Variants in CPQ observed in about 807,000 individuals in gnomAD.
The protein encoded by CPQ is Ser-Met dipeptidase.
A neutral mutation model predicts 45.7 loss-of-function variants in CPQ; 37 were observed. The ratio of observed to expected loss-of-function variants is 0.81; its 90% CI spans 0.62 to 1.07. The LOEUF is 1.07. CPQ is among the 50% of genes least tolerant of loss of function. The pLI, the probability that CPQ is intolerant of heterozygous loss-of-function variation, is 0.00. For missense variants in CPQ, 537 were observed against 572.9 expected, an observed-to-expected ratio of 0.94 and a Z score of 0.64; for synonymous variants, 186 against 205.8, an observed-to-expected ratio of 0.90 and a Z score of 0.82.
intron 7 of CPQ, among the ~76,000 whole-genome samples, chr8:97,131,409 C>T (rs867843669): frequency 4.6e-5 from 7 of 152,202 alleles, no homozygotes; most frequent in African/African-American, 1.4e-4. Flanking sequence ...GAACATGATA[C>T]ATATTATTCA....
chr8:97,096,903 T>C (rs931190765), intron 7 of CPQ, among the ~76,000 whole-genome samples: 2 of 152,216 alleles, frequency 1.3e-5, no homozygotes, highest in African/African-American at 4.8e-5. Context: ...TATTTCCATA[T>C]TAGTGGGTGC....
rs78326929 is a variant in CPQ at position 97,092,088 on chromosome 8, C to T, written c.1255+25878C>T. Among the ~76,000 whole-genome samples the T allele has an allele frequency of 6.4e-4, 98 of 152,192 alleles. No homozygotes were observed. The East Asian group carries it at 0.018, about 29-fold the overall frequency. ...TCTGTTTGACACATAATACTGAAAC[C>T]GTATACTGCTAAAATTATGATAAAG... On this transcript the variant is annotated intron_variant, in intron 7 of 7. Coordinates refer to ENST00000220763, the MANE Select transcript of CPQ (RefSeq NM_016134.4).
intron 6 of CPQ, among the ~76,000 whole-genome samples, chr8:97,057,662 A>C (rs1397564718): frequency 6.9e-6 from 1 of 145,344 alleles, no homozygotes; most frequent in African/African-American, 2.5e-5. Context: ...CTGTTATTTA[A>C]TCTAGAGATA....
At chr8:97,018,254 C>G (rs1028243264) in intron 5 of CPQ, among the ~76,000 whole-genome samples, 13 of 152,200 alleles carry the variant, frequency 8.5e-5, no homozygotes, top group Non-Finnish European at 1.6e-4. Flanking sequence ...AGCCTTAGAC[C>G]TTCCCTCTGA....
chr8:96,848,248 AG>A, intron 3 of CPQ, among the ~76,000 whole-genome samples: 1 of 152,296 alleles, frequency 6.6e-6, no homozygotes, highest in Admixed American at 6.5e-5. Flanking sequence ...TCAAGCCAGG[AG>A]AAGACCCAAT....
intron 1 of CPQ, among the ~76,000 whole-genome samples, chr8:96,718,012 A>C (rs1809707085): frequency 6.6e-6 from 1 of 152,204 alleles, no homozygotes; most frequent in Non-Finnish European, 1.5e-5. Context: ...AGTCTGCATC[A>C]GGACTCAAAA....
At chr8:97,001,625 G>A (rs550475877) in intron 5 of CPQ, among the ~76,000 whole-genome samples, 4 of 151,546 alleles carry the variant, frequency 2.6e-5, no homozygotes, top group Admixed American at 1.3e-4. Context: ...ACTTTTTGAC[G>A]TGCTACTGGA....
rs1563586920 is a variant in CPQ at position 97,122,977 on chromosome 8, A to AAAATT, written c.1256-20039_1256-20035dup. Among the ~76,000 whole-genome samples, 39 of 52,344 alleles carry AAAATT rather than the reference A, an allele frequency of 7.5e-4. 3 individuals are homozygous for AAAATT. Among genetic ancestry groups the AAAATT allele is most frequent in the Non-Finnish European group, 7.5e-4 (23 of 30,768 alleles). The allele number at this position is 52,344 out of a possible 152,430, so 34.3% of individuals were successfully genotyped here. ...AAAATAAAATAAAATAAAATAAAAT[A>AAAATT]AAATTAAAATAAAATAAAATAAAAT... On this transcript the variant is annotated intron_variant, in intron 7 of 7. Coordinates refer to ENST00000220763, the MANE Select transcript of CPQ (RefSeq NM_016134.4).
In CPQ at chr8:97,029,398, C is replaced by T; in HGVS notation, c.962-5C>T. ...TATCACTTTTTTATTTTATTATTTT[C>T]CCAGGGCTGCGTCCAAAGAGGACTC... On this transcript the variant is annotated splice_region_variant and splice_polypyrimidine_tract_variant and intron_variant, in intron 5 of 7. Coordinates refer to ENST00000220763, the MANE Select transcript of CPQ (RefSeq NM_016134.4). 1 of 1,593,392 alleles carries T rather than the reference C, an allele frequency of 6.3e-7. No individual in the cohort carries two copies. Among genetic ancestry groups the T allele is most frequent in the East Asian group, 2.3e-5 (1 of 44,326 alleles).
intron 7 of CPQ, among the ~76,000 whole-genome samples, chr8:97,122,985 A>AT (rs1429141781): frequency 3.0e-4 from 22 of 72,176 alleles, no homozygotes; most frequent in South Asian, 1.2e-3. Context: ...ATAAAATTAA[A>AT]ATAAAATAAA....
intron 5 of CPQ, among the ~76,000 whole-genome samples, chr8:97,028,143 C>A (rs1809833048): frequency 6.6e-6 from 1 of 152,234 alleles, no homozygotes; most frequent in South Asian, 2.1e-4. Context: ...GCATCCTAAA[C>A]CTATGCTTTT....
chr8:96,693,690 G>C (rs1809334791), intron 1 of CPQ, among the ~76,000 whole-genome samples: 1 of 152,136 alleles, frequency 6.6e-6, no homozygotes, highest in African/African-American at 2.4e-5. Context: ...ATCAACATCA[G>C]ACCTGTCCTA....
chr8:96,718,462 C>A (rs1041230833), intron 1 of CPQ, among the ~76,000 whole-genome samples: 1 of 152,068 alleles, frequency 6.6e-6, no homozygotes, highest in Non-Finnish European at 1.5e-5. Flanking sequence ...GTTGTTCGTT[C>A]CCCCCAGTGG....
chr8:96,736,086 T>C (rs1809979280), intron 1 of CPQ, among the ~76,000 whole-genome samples: 1 of 152,146 alleles, frequency 6.6e-6, no homozygotes, highest in African/African-American at 2.4e-5. Flanking sequence ...AAATGGATGA[T>C]ATGGGTTTGA....
intron 5 of CPQ, among the ~76,000 whole-genome samples, chr8:97,002,191 A>G (rs1358019625): frequency 6.6e-6 from 1 of 151,462 alleles, no homozygotes; most frequent in Non-Finnish European, 1.5e-5. Context: ...AATCTATTTT[A>G]TTAATTTCTT....
chr8:96,844,398 T>C (rs1444779019), intron 3 of CPQ, among the ~76,000 whole-genome samples: 1 of 152,212 alleles, frequency 6.6e-6, no homozygotes, highest in Non-Finnish European at 1.5e-5. Context: ...CAAAGGTATT[T>C]GTTGGAGTCT....
intron 2 of CPQ, among the ~76,000 whole-genome samples, chr8:96,827,733 A>G (rs545662513): frequency 2.6e-5 from 4 of 152,216 alleles, no homozygotes; most frequent in African/African-American, 9.6e-5. Context: ...CACAGGATAA[A>G]AAAAAGTTAA....
intron 1 of CPQ, among the ~76,000 whole-genome samples, chr8:96,719,207 G>A (rs887255273): frequency 5.9e-5 from 9 of 152,374 alleles, no homozygotes; most frequent in African/African-American, 2.2e-4. Context: ...GGCATGGCGG[G>A]CTGCAGGTCC....
intron 4 of CPQ, among the ~76,000 whole-genome samples, chr8:96,925,416 C>T (rs1812859622): frequency 6.6e-6 from 1 of 150,692 alleles, no homozygotes; most frequent in Non-Finnish European, 1.5e-5. Flanking sequence ...CAGAGTCTCA[C>T]TCCATCCCCC....
Sources: gnomAD v4.1 joint callset for allele counts (sites outside exome capture counted in the v4.1 genomes callset) on GRCh38, gnomAD v4.1.1 for gene constraint, MANE v1.5 for transcripts, NCBI Gene and HGNC (gene_info 2026-07-23, HGNC 2026-07-21) for gene names.